The following PRELID2 variants were observed in gnomAD, a reference collection of about 807,000 sequenced individuals.
The protein encoded by PRELID2 is PRELI domain-containing protein 2.
PRELID2 carries 25 observed loss-of-function variants against 28.4 expected under a neutral mutation model. The ratio of observed to expected loss-of-function variants is 0.88; its 90% CI spans 0.64 to 1.23. The LOEUF (loss-of-function observed/expected upper bound fraction) is 1.23. Among genes scored for constraint, PRELID2 ranks in the 50% most tolerant of loss-of-function variants. The pLI, the probability that PRELID2 is intolerant of heterozygous loss-of-function variation, is 0.00. For synonymous variants in PRELID2, 76 were observed against 71.6 expected, an observed-to-expected ratio of 1.06 and a Z score of -0.31; for missense variants, 201 against 214.4, an observed-to-expected ratio of 0.94 and a Z score of 0.39.
rs562189240 is a variant in PRELID2 at position 145,547,371 on chromosome 5, G to A, written n.71-74056C>T. 2.0e-5 allele frequency among the ~76,000 whole-genome samples: 3 copies of A among 152,218 alleles called. No individual in the cohort carries two copies. In the South Asian group the frequency reaches 6.2e-4, roughly 32 times the overall value. Reference sequence around the variant, plus strand: ...TATCTTCTGTAGCTCTGTACTCAAAGATTATCCACATGGACCCGGCCTTTC... The same window carrying A: ...TATCTTCTGTAGCTCTGTACTCAAAAATTATCCACATGGACCCGGCCTTTC... On this transcript the variant is annotated intron_variant and non_coding_transcript_variant, in intron 1 of 2. Coordinates refer to the PRELID2 transcript ENST00000510259.
At chr5:145,440,618 C>A in the PRELID2 span, among the ~76,000 whole-genome samples, 12 of 152,000 alleles carry the variant, frequency 7.9e-5, no homozygotes, top group Non-Finnish European at 2.9e-5. Context: ...CTTTTTATTT[C>A]TGTTAATGGG....
At chr5:145,595,587 G>A (rs1308492602) in intron 1 of PRELID2, among the ~76,000 whole-genome samples, 1 of 152,100 alleles carries the variant, frequency 6.6e-6, no homozygotes, top group East Asian at 1.9e-4. Context: ...CCATACCCTG[G>A]TCGTTAATGA....
intron 1 of PRELID2, among the ~76,000 whole-genome samples, chr5:145,745,448 G>C (rs968941727): frequency 1.2e-4 from 18 of 152,266 alleles, no homozygotes; most frequent in African/African-American, 3.9e-4. Flanking sequence ...AAATGTTAAA[G>C]GTGGCCAAAA....
At chr5:145,817,206 AATAAAT>A (rs1754392149) in intron 4 of PRELID2, among the ~76,000 whole-genome samples, 2 of 62,866 alleles carry the variant, frequency 3.2e-5, no homozygotes, top group African/African-American at 4.1e-5. Context: ...AAAATAAATA[AATAAAT>A]AAAAAAAAAT....
chr5:145,480,328 G>A (rs917181105), intron 1 of PRELID2, among the ~76,000 whole-genome samples: 2 of 151,972 alleles, frequency 1.3e-5, no homozygotes, highest in Non-Finnish European at 2.9e-5. Context: ...TTTTGGAGTG[G>A]GTTTTTGTTG....
At chr5:145,506,486 T>G (rs1445122492) in intron 1 of PRELID2, among the ~76,000 whole-genome samples, 1 of 152,158 alleles carries the variant, frequency 6.6e-6, no homozygotes, top group Non-Finnish European at 1.5e-5. Context: ...ATCTGCCTTG[T>G]GTGTGCCCAA....
At chr5:145,528,726 C>CACACAG (rs1475264275) in intron 1 of PRELID2, among the ~76,000 whole-genome samples, 4 of 53,528 alleles carry the variant, frequency 7.5e-5, no homozygotes, top group Non-Finnish European at 1.2e-4. Flanking sequence ...CACACACACA[C>CACACAG]AGAGAGAGAG....
the PRELID2 span, among the ~76,000 whole-genome samples, chr5:145,431,169 A>T: frequency 6.6e-6 from 1 of 151,920 alleles, no homozygotes; most frequent in Non-Finnish European, 1.5e-5. Context: ...GATAATAGAA[A>T]GGTATTTAAA....
At chr5:145,317,026 G>A in the PRELID2 span, among the ~76,000 whole-genome samples, 2 of 152,196 alleles carry the variant, frequency 1.3e-5, no homozygotes, top group Non-Finnish European at 2.9e-5. Flanking sequence ...ATCCACCGGG[G>A]TCAAGAGTGA....
the PRELID2 span, among the ~76,000 whole-genome samples, chr5:145,452,770 G>A: frequency 6.6e-6 from 1 of 152,010 alleles, no homozygotes; most frequent in Admixed American, 6.6e-5. Context: ...AGAAGGAAAG[G>A]GGGAGTCAGA....
chr5:145,282,882 C>T, the PRELID2 span, among the ~76,000 whole-genome samples: 2 of 152,132 alleles, frequency 1.3e-5, no homozygotes, highest in Non-Finnish European at 2.9e-5. Context: ...ATATTCCCTT[C>T]AATACTTTGC....
intron 1 of PRELID2, among the ~76,000 whole-genome samples, chr5:145,824,469 T>TGTGTGTGTGTGA (rs1554100823): frequency 4.6e-4 from 67 of 144,098 alleles, no homozygotes; most frequent in African/African-American, 5.9e-4. Context: ...TGTGTGATAT[T>TGTGTGTGTGTGA]GATTTATTAA....
At chr5:145,640,844 G>A (rs1047482350) in intron 1 of PRELID2, among the ~76,000 whole-genome samples, 2 of 152,052 alleles carry the variant, frequency 1.3e-5, no homozygotes, top group South Asian at 2.1e-4. Flanking sequence ...GAACAGAACA[G>A]ATGCAAACTC....
intron 1 of PRELID2, among the ~76,000 whole-genome samples, chr5:145,739,410 C>G (rs1323706938): frequency 6.6e-6 from 1 of 152,020 alleles, no homozygotes; most frequent in Non-Finnish European, 1.5e-5. Context: ...GAGGGTAAGG[C>G]AGGAGAAGCG....
At chr5:145,596,470 GTTCTTGTTTCAA>G (rs1753308492) in intron 1 of PRELID2, among the ~76,000 whole-genome samples, 2 of 152,020 alleles carry the variant, frequency 1.3e-5, no homozygotes, top group Admixed American at 1.3e-4. Context: ...GGTGATTCTT[GTTCTTGTTTCAA>G]ATGAGAAGAA....
At chr5:145,780,421 T>A (rs982660439) in intron 5 of PRELID2, among the ~76,000 whole-genome samples, 2 of 152,170 alleles carry the variant, frequency 1.3e-5, no homozygotes, top group Non-Finnish European at 2.9e-5. Flanking sequence ...GTCCTCCTTT[T>A]ATAGATGAGG....
At chr5:145,800,774 G>C (rs1314614731) in intron 4 of PRELID2, among the ~76,000 whole-genome samples, 1 of 152,126 alleles carries the variant, frequency 6.6e-6, no homozygotes, top group Non-Finnish European at 1.5e-5. Flanking sequence ...TATATTTTAA[G>C]ACTGCCAGAG....
chr5:145,628,977 C>T (rs773439723), intron 1 of PRELID2, among the ~76,000 whole-genome samples: 2 of 152,126 alleles, frequency 1.3e-5, no homozygotes, highest in Non-Finnish European at 2.9e-5. Context: ...AGAAAATGGG[C>T]AAGGAAGGTG....
chr5:145,446,056 T>C, the PRELID2 span, among the ~76,000 whole-genome samples: 9 of 152,186 alleles, frequency 5.9e-5, no homozygotes, highest in African/African-American at 2.2e-4. Context: ...AATTCTGACA[T>C]TCTCTGTCAA....
Sources: allele counts gnomAD v4.1 joint callset (sites outside exome capture counted in the v4.1 genomes callset), GRCh38; gene constraint gnomAD v4.1.1; transcripts MANE v1.5; gene names NCBI Gene and HGNC (gene_info 2026-07-23, HGNC 2026-07-21).